Variants in NUDT6 observed in about 807,000 individuals in gnomAD.
NUDT6 encodes nudix hydrolase 6.
In NUDT6, 24 loss-of-function variants were observed where a neutral mutation model predicts 36.8. That is an observed-to-expected ratio of 0.65 (90% confidence interval 0.47 to 0.92). The LOEUF (loss-of-function observed/expected upper bound fraction) is 0.92. Among genes scored for constraint, NUDT6 ranks in the 40% least tolerant of loss-of-function variants. The probability of loss-of-function intolerance (pLI) is 0.00; values close to 1 mark genes in which losing one functional copy is unlikely to be tolerated. For missense variants in NUDT6, 388 were observed against 392.8 expected (o/e 0.99, Z 0.10); for synonymous variants, 163 against 157.0 (o/e 1.04, Z -0.29).
chr4:122,910,110 C>T (rs893283206), intron 3 of NUDT6, among the ~76,000 whole-genome samples: 1 of 152,160 alleles, frequency 6.6e-6, no homozygotes, highest in Admixed American at 6.5e-5. Context: ...TAGTGGTTTA[C>T]CTGGAATTCA....
At chr4:122,894,047 G>C (rs1008035736) in intron 4 of NUDT6, 2 of 152,200 alleles carry the variant, frequency 1.3e-5, no homozygotes, top group African/African-American at 4.8e-5. Context: ...GCAAAGAAGA[G>C]GAAGTCACAG....
rs1471416040 is a variant in NUDT6, at chr4:122,892,610, G to C, written c.*218C>G. 1 of 1,434,058 alleles carries C rather than the reference G, an allele frequency of 7.0e-7. No homozygotes were observed. The highest frequency in any genetic ancestry group is 9.1e-7 in the Non-Finnish European group (1 of 1,098,596). 88.8% of individuals were successfully genotyped at this position (1,434,058 alleles called of 1,614,324 possible). A position where few individuals can be genotyped will look rare whatever the true frequency, so the allele number is the denominator to read the frequency against. On this transcript the variant is annotated 3_prime_UTR_variant, in exon 5 of 5. Transcript: ENST00000304430. ...ATATTCTCCCTTTTATATTGCATCTGCTGTTACCCAGTGAAGCTTACCTAG... is the reference window on the plus strand; with the variant it reads ...ATATTCTCCCTTTTATATTGCATCTCCTGTTACCCAGTGAAGCTTACCTAG...
At chr4:122,922,084 A>G (rs1464802105) in intron 1 of NUDT6, 3 of 404,214 alleles carry the variant, frequency 7.4e-6, no homozygotes, top group East Asian at 3.6e-5. Context: ...CACAGTAGAA[A>G]GTGGACCAGC....
At chr4:122,915,645 CA>C (rs1028316709) in intron 2 of NUDT6, among the ~76,000 whole-genome samples, 15 of 152,098 alleles carry the variant, frequency 9.9e-5, no homozygotes, top group African/African-American at 3.6e-4. Flanking sequence ...CTATAATGTA[CA>C]ATATACAATA....
rs747966964 is a variant in NUDT6 at position 122,922,478 on chromosome 4, G to A, written c.95C>T (p.Ala32Val). The A allele has an allele frequency of 6.2e-7, 1 of 1,611,604 alleles. No homozygotes were observed. Among genetic ancestry groups the A allele is most frequent in the Non-Finnish European group, 8.5e-7 (1 of 1,179,820 alleles). ...TGGCGGATTCCGCACGTAACCCTGTGCGCCCGAGGCCCAGCGGTAACCCGC... is the reference window on the plus strand; with the variant it reads ...TGGCGGATTCCGCACGTAACCCTGTACGCCCGAGGCCCAGCGGTAACCCGC... ...PSAGYRWASGAQGYVRNPPVG... is the reference protein window; with the variant it reads ...PSAGYRWASGVQGYVRNPPVG... Residue 32 changes from alanine (A) to valine (V), a missense_variant, in exon 1 of 5, where the codon GCA (alanine) becomes GTA (valine). Physicochemically the swap from Ala to Val is moderately conservative, Grantham distance 64 (BLOSUM62 0). Transcript: ENST00000304430.
intron 1 of NUDT6, 111 bp downstream of exon 1, chr4:122,922,224 T>C (rs1728054404): frequency 1.1e-6 from 1 of 895,554 alleles, no homozygotes; most frequent in Middle Eastern, 2.3e-4. Flanking sequence ...CCTTCTCCCT[T>C]TCCCTCTGGG....
chr4:122,922,791 C>T, upstream of NUDT6: 2 of 579,466 alleles, frequency 3.5e-6, no homozygotes, highest in South Asian at 2.3e-5. Context: ...CCTCCCCCAC[C>T]GCCACTCACT....
intron 1 of NUDT6, chr4:122,921,363 T>C (rs1453382294): frequency 6.6e-6 from 1 of 152,022 alleles, no homozygotes; most frequent in African/African-American, 2.4e-5. Context: ...CCCAGCACTT[T>C]GAGGGGCCAA....
At chr4:122,903,014 AATTT>A (rs1248733079) in intron 3 of NUDT6, among the ~76,000 whole-genome samples, 1 of 152,132 alleles carries the variant, frequency 6.6e-6, no homozygotes, top group Non-Finnish European at 1.5e-5. Flanking sequence ...ATCTACATCT[AATTT>A]ATTAAACATT....
chr4:122,911,591 G>C (rs532148060), intron 3 of NUDT6, among the ~76,000 whole-genome samples: 1 of 152,272 alleles, frequency 6.6e-6, no homozygotes, highest in South Asian at 2.1e-4. Context: ...GGAGCCATAA[G>C]AATAGTTTTA....
At chr4:122,895,898 T>A (rs1482124773) in intron 4 of NUDT6, 1 of 152,350 alleles carries the variant, frequency 6.6e-6, no homozygotes, top group Non-Finnish European at 1.5e-5. Context: ...AGAGTTTAAA[T>A]AATTTCAGTA....
intron 2 of NUDT6, among the ~76,000 whole-genome samples, chr4:122,917,181 C>G (rs1380332359): frequency 4.6e-5 from 7 of 152,286 alleles, no homozygotes; most frequent in Admixed American, 2.0e-4. Context: ...TTTTATTACA[C>G]TATACTTTTA....
chr4:122,912,482 T>C, intron 3 of NUDT6, 86 bp downstream of exon 3: 1 of 896,474 alleles, frequency 1.1e-6, no homozygotes, highest in Non-Finnish European at 1.8e-6. Context: ...TATAACCCCT[T>C]AGGCATATTA....
In NUDT6 at chr4:122,893,124, C is replaced by CA. The variant is rs1285985072; in HGVS notation, c.654dup (p.Gly219TrpfsTer29). The CA allele has an allele frequency of 6.2e-7, 1 of 1,614,148 alleles. No individual in the cohort carries two copies. Among genetic ancestry groups the CA allele is most frequent in the Non-Finnish European group, 8.5e-7 (1 of 1,180,024 alleles). On this transcript the variant is annotated frameshift_variant, in exon 5 of 5. Transcript: ENST00000304430. LOFTEE classifies it high-confidence loss of function. ...CAGATGATATACATATCTGACTTCC[C>CA]AAAAGCTCCAGGATTTGTGTGCTGT...
intron 2 of NUDT6, 118 bp downstream of exon 2, chr4:122,917,383 A>T: frequency 1.1e-6 from 1 of 904,672 alleles, no homozygotes; most frequent in Non-Finnish European, 1.8e-6. Context: ...GAACCACCGT[A>T]ATCATTTAAT....
chr4:122,892,609 T>G lies in NUDT6; in HGVS notation c.*219A>C. On this transcript the variant is annotated 3_prime_UTR_variant, in exon 5 of 5. Coordinates refer to ENST00000304430, the MANE Select transcript of NUDT6 (RefSeq NM_007083.5). ...TATATTCTCCCTTTTATATTGCATC[T>G]GCTGTTACCCAGTGAAGCTTACCTA... 7.0e-7 allele frequency: 1 copy of G among 1,435,632 alleles called. No homozygotes were observed. The highest frequency in any genetic ancestry group is 9.1e-7 in the Non-Finnish European group (1 of 1,099,450). 88.9% of individuals were successfully genotyped at this position (1,435,632 alleles called of 1,614,324 possible). A position where few individuals can be genotyped will look rare whatever the true frequency, so the allele number is the denominator to read the frequency against.
chr4:122,896,463 A>G (rs1383127007), intron 4 of NUDT6: 1 of 152,182 alleles, frequency 6.6e-6, no homozygotes. Context: ...GCTGCAAAAC[A>G]TAAGCTTAAT....
rs370991819 is a variant in NUDT6 at position 122,914,492 on chromosome 4, C to T, written c.443-1869G>A. On this transcript the variant is annotated intron_variant, in intron 2 of 4. Coordinates refer to ENST00000304430, the MANE Select transcript of NUDT6 (RefSeq NM_007083.5). ...AGACAAAACCAGCACCACTAAAGCACAATTTGAGCGACCTCTGCTGGTCAC... is the reference window on the plus strand; with the variant it reads ...AGACAAAACCAGCACCACTAAAGCATAATTTGAGCGACCTCTGCTGGTCAC... Among the ~76,000 whole-genome samples the T allele has an allele frequency of 2.6e-4, 40 of 152,302 alleles. No individual in the cohort carries two copies. The South Asian group carries it at 6.6e-3, about 25-fold the overall frequency.
At chr4:122,915,575 GTGTTCA>G (rs1265903257) in intron 2 of NUDT6, among the ~76,000 whole-genome samples, 1 of 151,122 alleles carries the variant, frequency 6.6e-6, no homozygotes, top group Non-Finnish European at 1.5e-5. Flanking sequence ...ATCCTAGTTA[GTGTTCA>G]AGATTGGTCA....
Sources: gnomAD v4.1 joint callset for allele counts (sites outside exome capture counted in the v4.1 genomes callset) on GRCh38, gnomAD v4.1.1 for gene constraint, MANE v1.5 for transcripts, NCBI Gene and HGNC (gene_info 2026-07-23, HGNC 2026-07-21) for gene names.